RAVER2: variants seen among roughly 807,000 people sequenced by gnomAD.
The protein encoded by RAVER2 is ribonucleoprotein, PTB binding 2, also known as ribonucleoprotein PTB-binding 2.
RAVER2 carries 46 observed loss-of-function variants against 78.1 expected under a neutral mutation model. The ratio of observed to expected loss-of-function variants is 0.59; its 90% CI spans 0.46 to 0.75. The LOEUF (loss-of-function observed/expected upper bound fraction) is 0.75. Ranked by LOEUF, RAVER2 falls within the 30% of genes least tolerant of loss-of-function variation. The pLI, the probability that RAVER2 is intolerant of heterozygous loss-of-function variation, is 0.00. For missense variants in RAVER2, 793 were observed against 837.5 expected (o/e 0.95, Z 0.66); for synonymous variants, 311 against 313.3 (o/e 0.99, Z 0.08).
At chr1:64,762,274 C>T (rs1478785911) in intron 1 of RAVER2, among the ~76,000 whole-genome samples, 1 of 151,846 alleles carries the variant, frequency 6.6e-6, no homozygotes. Context: ...TTAAGAAGAC[C>T]TAAATAAATG....
At chr1:64,781,233 G>T (rs1281349464) in intron 3 of RAVER2, 147 bp from the exon 4 acceptor site, 1 of 706,006 alleles carries the variant, frequency 1.4e-6, no homozygotes, top group Non-Finnish European at 2.1e-6. Flanking sequence ...TAAGCAATTA[G>T]TAAACATTTT....
rs1651492106 is a variant in RAVER2 at position 64,745,272 on chromosome 1, T to A, written c.100T>A (p.Ser34Thr). 7.3e-7 allele frequency: 1 copy of A among 1,372,316 alleles called. No homozygotes were observed. The highest frequency in any genetic ancestry group is 1.5e-5 in the African/African-American group (1 of 64,748). The allele number at this position is 1,372,316 out of a possible 1,614,324, so 85.0% of individuals were successfully genotyped here. ...GCCGGGGCTGCGCGGGCAGGGCCCC[T>A]CAGCCGAAGCGCACGAGGGCGCCCC... Residue 34 changes from serine to threonine, a missense_variant, in exon 1 of 12, where the codon TCA becomes ACA. Transcript: ENST00000294428. The surrounding 1 kb of genome is among the most constrained non-coding windows in gnomAD (Gnocchi z 4.3).
At chr1:64,832,985 A>G (rs1480945901) in exon 12 of RAVER2, 1 of 167,708 alleles carries the variant, frequency 6.0e-6, no homozygotes, top group Non-Finnish European at 1.3e-5. Context: ...ACTAAAACAA[A>G]CAAACAAAGG....
At chr1:64,788,440 C>T (rs1161759742) in intron 4 of RAVER2, among the ~76,000 whole-genome samples, 1 of 151,542 alleles carries the variant, frequency 6.6e-6, no homozygotes, top group Non-Finnish European at 1.5e-5. Context: ...CCACTGCACT[C>T]CAGCCTGGGC....
Position 64,745,248 on chromosome 1 carries a change from C to A in RAVER2, c.76C>A (p.Pro26Thr). 1 of 1,195,980 alleles carries A rather than the reference C, an allele frequency of 8.4e-7. No homozygotes were observed. Among genetic ancestry groups the A allele is most frequent in the East Asian group, 4.3e-5 (1 of 23,436 alleles). The allele number at this position is 1,195,980 out of a possible 1,614,324, so 74.1% of individuals were successfully genotyped here. A position where few individuals can be genotyped will look rare whatever the true frequency, so the allele number is the denominator to read the frequency against. ...CAGCGCGGCGGGGCTGGGGCCGGGG[C>A]CGGGGCTGCGCGGGCAGGGCCCCTC... The change falls in exon 1 of 12, where the codon CCG becomes ACG. Residue 26 changes from proline to threonine, a missense_variant. Physicochemically the swap from Pro to Thr is conservative, Grantham distance 38. Transcript: ENST00000294428. This position sits in a 1 kb window ranked among gnomAD's most constrained non-coding sequence, Gnocchi z 4.3.
At chr1:64,822,554 G>A (rs1026121256) in intron 11 of RAVER2, among the ~76,000 whole-genome samples, 1 of 152,222 alleles carries the variant, frequency 6.6e-6, no homozygotes, top group Admixed American at 6.5e-5. Context: ...CAAGGATGTG[G>A]AGAAATGGGA....
intron 1 of RAVER2, among the ~76,000 whole-genome samples, chr1:64,752,994 C>G (rs1265149202): frequency 6.6e-6 from 1 of 152,162 alleles, no homozygotes; most frequent in Non-Finnish European, 1.5e-5. Flanking sequence ...CTTAACCTGC[C>G]TCTGGACTTC....
chr1:64,788,519 C>G (rs907825036), intron 4 of RAVER2, among the ~76,000 whole-genome samples: 1 of 149,258 alleles, frequency 6.7e-6, no homozygotes, highest in Non-Finnish European at 1.5e-5. Context: ...TTGGGTCAGT[C>G]GCGGTGGCTC....
chr1:64,829,057 G>C (rs1275760292), intron 11 of RAVER2, among the ~76,000 whole-genome samples: 1 of 152,210 alleles, frequency 6.6e-6, no homozygotes, highest in Non-Finnish European at 1.5e-5. Flanking sequence ...GTTTTTTGCT[G>C]ATTTCATAGG....
intron 2 of RAVER2, among the ~76,000 whole-genome samples, chr1:64,773,481 T>C (rs1652377433): frequency 6.6e-6 from 1 of 152,156 alleles, no homozygotes; most frequent in Admixed American, 6.6e-5. Flanking sequence ...GTTTCCAGCT[T>C]CATCCATGTC....
At chr1:64,751,556 TCTTTC>T (rs1651698980) in intron 1 of RAVER2, among the ~76,000 whole-genome samples, 1 of 152,168 alleles carries the variant, frequency 6.6e-6, no homozygotes. Context: ...CACTTATTCT[TCTTTC>T]CTTATGGACA....
At chr1:64,808,163 G>A (rs1016244981) in intron 9 of RAVER2, among the ~76,000 whole-genome samples, 6 of 151,980 alleles carry the variant, frequency 3.9e-5, no homozygotes, top group Admixed American at 2.0e-4. Context: ...AGATTTTACC[G>A]AATCATTTTA....
chr1:64,783,951 C>T (rs1652707536), intron 4 of RAVER2, among the ~76,000 whole-genome samples: 1 of 152,206 alleles, frequency 6.6e-6, no homozygotes, highest in Non-Finnish European at 1.5e-5. Context: ...TTCCATTTCC[C>T]TCTCAAGTCT....
chr1:64,758,500 G>A (rs182574106), intron 1 of RAVER2, among the ~76,000 whole-genome samples: 21 of 152,288 alleles, frequency 1.4e-4, no homozygotes, highest in Admixed American at 3.3e-4. Flanking sequence ...CAAGAAAGAC[G>A]TGATTCGCTG....
At chr1:64,819,062 C>T (rs1653821635) in intron 11 of RAVER2, among the ~76,000 whole-genome samples, 1 of 152,034 alleles carries the variant, frequency 6.6e-6, no homozygotes, top group African/African-American at 2.4e-5. Context: ...ATAATAGAAT[C>T]TGTAGGCTCT....
intron 1 of RAVER2, among the ~76,000 whole-genome samples, chr1:64,762,854 A>G (rs1652058760): frequency 1.3e-5 from 2 of 152,212 alleles, no homozygotes; most frequent in South Asian, 4.1e-4. Flanking sequence ...AAAAGGCATT[A>G]ACCAGAAAAG....
intron 1 of RAVER2, 90 bp from the exon 2 acceptor site, chr1:64,768,566 A>G (rs533938497): frequency 1.3e-4 from 99 of 765,428 alleles, no homozygotes; most frequent in Non-Finnish European, 7.0e-5. Flanking sequence ...TGGTGGTGGT[A>G]ATGGTGGTGG....
rs113076271 is a variant in RAVER2 at position 64,773,072 on chromosome 1, G to A, written c.316+4350G>A. ...GACCTATTAGACGGGTGGAATTTGA[G>A]GATTCCTTTTATATGGGAAATGAGG... On this transcript the variant is annotated intron_variant, in intron 2 of 11. Coordinates refer to ENST00000294428, the Ensembl canonical transcript of RAVER2. Among the ~76,000 whole-genome samples, 291 of 152,196 alleles carry A rather than the reference G, an allele frequency of 1.9e-3. 1 individual carries two copies. The highest frequency in any genetic ancestry group is 6.7e-3 in the African/African-American group (277 of 41,524).
At chr1:64,771,681 C>G (rs1652324696) in intron 2 of RAVER2, among the ~76,000 whole-genome samples, 1 of 152,166 alleles carries the variant, frequency 6.6e-6, no homozygotes, top group Non-Finnish European at 1.5e-5. Flanking sequence ...TTTGAAGTCT[C>G]TTATACAGTA....
Sources: allele counts gnomAD v4.1 joint callset (sites outside exome capture counted in the v4.1 genomes callset), GRCh38; gene constraint gnomAD v4.1.1; non-coding constraint Gnocchi (gnomAD v3.1); transcripts MANE v1.5; gene names NCBI Gene and HGNC (gene_info 2026-07-23, HGNC 2026-07-21).